Variants in RTL4 observed in about 807,000 individuals in gnomAD.
The protein encoded by RTL4 is retrotransposon Gag-like protein 4.
Under a neutral mutation model 5.3 loss-of-function variants are expected in RTL4, and 4 were observed. The observed-to-expected ratio is 0.75, with a 90% CI of 0.37 to 1.72. RTL4 has a LOEUF of 1.72. RTL4 is among the 40% of genes most tolerant of loss of function. The pLI is 0.04. For synonymous variants in RTL4, 98 were observed against 87.3 expected, an observed-to-expected ratio of 1.12 and a Z score of -0.68; for missense variants, 260 against 227.1, an observed-to-expected ratio of 1.14 and a Z score of -0.93.
the RTL4 span, among the ~76,000 whole-genome samples, chrX:112,306,389 A>T: frequency 0.037 from 4,163 of 111,190 alleles, 87 homozygotes; most frequent in Middle Eastern, 0.065. Context: ...GCTCCAGGAG[A>T]AGAATTTACC....
At chrX:112,347,330 A>G in the RTL4 span, among the ~76,000 whole-genome samples, 1 of 111,983 alleles carries the variant, frequency 8.9e-6, no homozygotes, top group East Asian at 2.8e-4. Flanking sequence ...TAGGAGTTGC[A>G]AAAGGGGAGA....
At chrX:112,213,343 G>C in the RTL4 span, among the ~76,000 whole-genome samples, 15 of 112,471 alleles carry the variant, frequency 1.3e-4, no homozygotes, top group East Asian at 3.9e-3. Flanking sequence ...TTAATAAATG[G>C]GTGGTGCTTG....
the RTL4 span, among the ~76,000 whole-genome samples, chrX:112,224,813 A>C: frequency 9.0e-6 from 1 of 111,185 alleles, no homozygotes; most frequent in Admixed American, 9.6e-5. Context: ...TCAATGTTGC[A>C]CTCCCTACCA....
chrX:112,268,092 A>G, the RTL4 span, among the ~76,000 whole-genome samples: 11 of 111,789 alleles, frequency 9.8e-5, no homozygotes, highest in African/African-American at 3.6e-4. Context: ...ATGAAAAGCC[A>G]AAGTCCTTAT....
the RTL4 span, among the ~76,000 whole-genome samples, chrX:112,177,225 T>C: frequency 9.0e-6 from 1 of 111,420 alleles, no homozygotes; most frequent in East Asian, 2.8e-4. Context: ...TGCTGGATCA[T>C]ATGGTTGTTC....
the RTL4 span, among the ~76,000 whole-genome samples, chrX:112,286,466 C>T: frequency 9.0e-6 from 1 of 110,818 alleles, no homozygotes; most frequent in Non-Finnish European, 1.9e-5. Context: ...GGAGTTATTA[C>T]CATTGTGATG....
the RTL4 span, among the ~76,000 whole-genome samples, chrX:112,269,539 A>G: frequency 1.8e-5 from 2 of 111,701 alleles, no homozygotes; most frequent in Non-Finnish European, 3.8e-5. Flanking sequence ...AACTCTTTAT[A>G]TCCATTTTGT....
the RTL4 span, among the ~76,000 whole-genome samples, chrX:112,157,064 T>TTG: frequency 0.081 from 7,850 of 96,455 alleles, 358 homozygotes; most frequent in East Asian, 0.21. Flanking sequence ...GTTATACTGT[T>TTG]TGTGTGTGTG....
At chrX:112,422,557 A>G in the RTL4 span, among the ~76,000 whole-genome samples, 1 of 110,794 alleles carries the variant, frequency 9.0e-6, no homozygotes, top group Admixed American at 9.7e-5. Context: ...GTCGTCTCTG[A>G]CCCACCACCA....
chrX:112,182,714 G>A, the RTL4 span, among the ~76,000 whole-genome samples: 98 of 112,265 alleles, frequency 8.7e-4, no homozygotes, highest in African/African-American at 2.9e-3. Context: ...AAAGTGACAG[G>A]GAGAATGGAA....
At chrX:112,326,412 G>A in the RTL4 span, among the ~76,000 whole-genome samples, 1 of 111,309 alleles carries the variant, frequency 9.0e-6, no homozygotes, top group South Asian at 3.8e-4. Flanking sequence ...TGGAAAATCG[G>A]GTCACTTCCA....
chrX:112,218,673 T>C, the RTL4 span, among the ~76,000 whole-genome samples: 1 of 111,680 alleles, frequency 9.0e-6, no homozygotes, highest in Admixed American at 9.6e-5. Context: ...TTGCCTCTGA[T>C]TGTGATTCGG....
chrX:112,289,555 G>A, the RTL4 span, among the ~76,000 whole-genome samples: 1 of 112,358 alleles, frequency 8.9e-6, no homozygotes, highest in East Asian at 2.8e-4. Flanking sequence ...TTGGGCATGT[G>A]TATTAACCTT....
the RTL4 span, among the ~76,000 whole-genome samples, chrX:112,212,206 G>C: frequency 1.3e-4 from 14 of 110,721 alleles, no homozygotes; most frequent in Admixed American, 3.8e-4. Flanking sequence ...GAAACCCCGT[G>C]TCTACTAAAA....
chrX:112,137,583 A>G, the RTL4 span, among the ~76,000 whole-genome samples: 2 of 111,362 alleles, frequency 1.8e-5, no homozygotes, highest in Non-Finnish European at 3.8e-5. Flanking sequence ...CCATGATCCA[A>G]TTGCCTCTCT....
At chrX:112,096,797 A>G in the RTL4 span, among the ~76,000 whole-genome samples, 1 of 112,193 alleles carries the variant, frequency 8.9e-6, no homozygotes, top group Non-Finnish European at 1.9e-5. Context: ...ACTCTGTGAG[A>G]GAGAGTTACA....
chrX:112,206,734 G>T, the RTL4 span, among the ~76,000 whole-genome samples: 1 of 111,504 alleles, frequency 9.0e-6, no homozygotes, highest in African/African-American at 3.3e-5. Flanking sequence ...TAGTACTCCA[G>T]ACACCTTTAT....
the RTL4 span, among the ~76,000 whole-genome samples, chrX:112,181,135 G>C: frequency 9.0e-6 from 1 of 111,642 alleles, no homozygotes; most frequent in Non-Finnish European, 1.9e-5. Flanking sequence ...TGTGAGGAAC[G>C]GTGCCTTCCT....
chrX:112,275,525 C>A, the RTL4 span, among the ~76,000 whole-genome samples: 10 of 111,893 alleles, frequency 8.9e-5, no homozygotes, highest in East Asian at 5.6e-4. Context: ...AACTATGTAA[C>A]CTTATGCGAG....
Sources: allele counts gnomAD v4.1 joint callset (sites outside exome capture counted in the v4.1 genomes callset), GRCh38; gene constraint gnomAD v4.1.1; transcripts MANE v1.5; gene names NCBI Gene and HGNC (gene_info 2026-07-23, HGNC 2026-07-21).